Variants in THSD7A observed in about 807,000 individuals in gnomAD.
THSD7A encodes the protein thrombospondin type-1 domain-containing protein 7A.
Under a neutral mutation model 231.3 loss-of-function variants are expected in THSD7A, and 96 were observed. The ratio of observed to expected loss-of-function variants is 0.41; its 90% CI spans 0.35 to 0.49. THSD7A has a LOEUF of 0.49. Among genes scored for constraint, THSD7A ranks in the 20% least tolerant of loss-of-function variants. The probability of loss-of-function intolerance (pLI) is 0.05; values close to 1 mark genes in which losing one functional copy is unlikely to be tolerated. For missense variants in THSD7A, 2,290 were observed against 2,070.2 expected (o/e 1.11, Z -2.06); for synonymous variants, 940 against 743.3 (o/e 1.26, Z -4.30).
At chr7:11,544,741 T>C (rs1763846152) in intron 4 of THSD7A, among the ~76,000 whole-genome samples, 1 of 152,142 alleles carries the variant, frequency 6.6e-6, no homozygotes, top group African/African-American at 2.4e-5. Flanking sequence ...CTGAAAAATA[T>C]TCTGCCAATT....
At chr7:11,794,835 C>T (rs2355092) in intron 1 of THSD7A, among the ~76,000 whole-genome samples, 125,189 of 151,950 alleles carry the variant, frequency 0.82, 51,937 homozygotes, top group African/African-American at 0.92. Context: ...TGTCAGAGCA[C>T]TGTGCATGAG....
chr7:11,673,676 G>A (rs540969514), intron 1 of THSD7A, among the ~76,000 whole-genome samples: 9 of 152,252 alleles, frequency 5.9e-5, no homozygotes, highest in Non-Finnish European at 8.8e-5. Context: ...AGTTTCTTAC[G>A]CTGGCATGGG....
intron 6 of THSD7A, among the ~76,000 whole-genome samples, chr7:11,510,025 C>A (rs78270000): frequency 6.6e-6 from 1 of 151,820 alleles, no homozygotes; most frequent in Non-Finnish European, 1.5e-5. Context: ...CCCATAAATA[C>A]ATACAATCCC....
chr7:11,709,745 C>A (rs2128148192), intron 1 of THSD7A, among the ~76,000 whole-genome samples: 1 of 150,712 alleles, frequency 6.6e-6, no homozygotes, highest in Admixed American at 6.6e-5. Context: ...AAAATAAATA[C>A]TTATATTTAG....
chr7:11,724,609 A>G (rs935853412), intron 1 of THSD7A, among the ~76,000 whole-genome samples: 1 of 151,980 alleles, frequency 6.6e-6, no homozygotes, highest in African/African-American at 2.4e-5. Context: ...TTATCGAAGT[A>G]TCTAAATTTT....
At chr7:11,484,874 ATTTTTTTTTTTTTTTT>A (rs56353626) in intron 6 of THSD7A, among the ~76,000 whole-genome samples, 16 of 53,812 alleles carry the variant, frequency 3.0e-4, no homozygotes, top group African/African-American at 1.2e-3. Flanking sequence ...CACAACCTTA[ATTTTTTTTTTTTTTTT>A]TTTTTTTTTT....
intron 1 of THSD7A, among the ~76,000 whole-genome samples, chr7:11,718,301 C>G (rs571912457): frequency 6.6e-6 from 1 of 151,492 alleles, no homozygotes; most frequent in Non-Finnish European, 1.5e-5. Context: ...AAATTTTGTT[C>G]CCCCACCCAA....
intron 14 of THSD7A, 129 bp downstream of exon 14, chr7:11,428,818 G>A: frequency 1.0e-6 from 1 of 971,468 alleles, no homozygotes. Context: ...ATTTATTCAG[G>A]CATTCTAATG....
At chr7:11,568,079 C>T (rs70) in intron 4 of THSD7A, among the ~76,000 whole-genome samples, 125,169 of 152,196 alleles carry the variant, frequency 0.82, 51,888 homozygotes, top group African/African-American at 0.91. Flanking sequence ...GTTATTCTTT[C>T]GTGAATTTAA....
intron 1 of THSD7A, among the ~76,000 whole-genome samples, chr7:11,647,408 T>A (rs1044700416): frequency 5.3e-5 from 8 of 152,018 alleles, no homozygotes; most frequent in African/African-American, 1.7e-4. Context: ...CATATTTTGC[T>A]TACTGGCTTG....
At chr7:11,421,101 C>T (rs1417389857) in intron 16 of THSD7A, among the ~76,000 whole-genome samples, 5 of 152,048 alleles carry the variant, frequency 3.3e-5, no homozygotes, top group Admixed American at 3.3e-4. Flanking sequence ...TGAGTTAAGG[C>T]TTTGGGAGAC....
Position 11,772,236 on chromosome 7 carries a change from G to A in THSD7A, c.190+59521C>T, listed in dbSNP as rs193049727. Among the ~76,000 whole-genome samples the A allele has an allele frequency of 4.2e-3, 636 of 152,130 alleles. 3 individuals carry two copies. The highest frequency in any genetic ancestry group is 6.3e-3 in the Non-Finnish European group (427 of 68,006). ...AAAAAAACAAAACAAAACAGATGCT[G>A]GCAATGGGGATCTGGAGGAAAGGGA... is the stretch of plus-strand genomic sequence containing the variant. On this transcript the variant is annotated intron_variant, in intron 1 of 27. Coordinates refer to ENST00000423059, the MANE Select transcript of THSD7A (RefSeq NM_015204.3).
intron 1 of THSD7A, among the ~76,000 whole-genome samples, chr7:11,724,354 T>C (rs1526561): frequency 0.34 from 51,899 of 151,648 alleles, 9,035 homozygotes; most frequent in South Asian, 0.51. Flanking sequence ...ATATGTTGCA[T>C]CAATGTTAGA....
chr7:11,699,705 A>C (rs1008781487), intron 1 of THSD7A, among the ~76,000 whole-genome samples: 1 of 151,366 alleles, frequency 6.6e-6, no homozygotes, highest in African/African-American at 2.4e-5. Flanking sequence ...ATTATAGAAC[A>C]TGCCAATTTT....
At chr7:11,671,009 T>G (rs1783367243) in intron 1 of THSD7A, among the ~76,000 whole-genome samples, 2 of 152,174 alleles carry the variant, frequency 1.3e-5, no homozygotes, top group South Asian at 4.1e-4. Flanking sequence ...TTTGGTAATA[T>G]TTCCAAGTTT....
intron 13 of THSD7A, among the ~76,000 whole-genome samples, chr7:11,433,250 C>A (rs1294185299): frequency 6.6e-6 from 1 of 151,684 alleles, no homozygotes; most frequent in African/African-American, 2.4e-5. Flanking sequence ...AGAAATAAGC[C>A]CCTTCATGAT....
At chr7:11,526,870 A>C (rs1788496907) in intron 6 of THSD7A, among the ~76,000 whole-genome samples, 1 of 152,158 alleles carries the variant, frequency 6.6e-6, no homozygotes, top group South Asian at 2.1e-4. Context: ...GTAAGCAATA[A>C]AATTCTTATC....
At chr7:11,663,881 A>T (rs1159574787) in intron 1 of THSD7A, among the ~76,000 whole-genome samples, 1 of 151,642 alleles carries the variant, frequency 6.6e-6, no homozygotes, top group Middle Eastern at 3.2e-3. Context: ...GAAAAGTGCT[A>T]ATGGTAAATT....
intron 2 of THSD7A, among the ~76,000 whole-genome samples, chr7:11,618,673 A>C (rs1472115774): frequency 2.6e-5 from 4 of 152,040 alleles, no homozygotes; most frequent in African/African-American, 9.7e-5. Flanking sequence ...CTGTAGTCCC[A>C]GCTACTTGGG....
Sources: gnomAD v4.1 joint callset for allele counts (sites outside exome capture counted in the v4.1 genomes callset) on GRCh38, gnomAD v4.1.1 for gene constraint, MANE v1.5 for transcripts, NCBI Gene and HGNC (gene_info 2026-07-23, HGNC 2026-07-21) for gene names.